SPECC1: variants seen among roughly 807,000 people sequenced by gnomAD.
SPECC1 encodes cytospin-B.
In SPECC1, 62 loss-of-function variants were observed where a neutral mutation model predicts 104.1. The ratio of observed to expected loss-of-function variants is 0.60; its 90% CI spans 0.49 to 0.74. The LOEUF (loss-of-function observed/expected upper bound fraction) is 0.74, where lower values mean the gene tolerates loss of function less well. Among genes scored for constraint, SPECC1 ranks in the 30% least tolerant of loss-of-function variants. The probability of loss-of-function intolerance (pLI) is 0.00; values close to 1 mark genes in which losing one functional copy is unlikely to be tolerated. For synonymous variants in SPECC1, 513 were observed against 501.6 expected, an observed-to-expected ratio of 1.02 and a Z score of -0.30; for missense variants, 1,306 against 1,310.5, an observed-to-expected ratio of 1.00 and a Z score of 0.05.
chr17:20,053,184 T>A (rs1459797900), intron 1 of SPECC1, among the ~76,000 whole-genome samples: 3 of 152,216 alleles, frequency 2.0e-5, no homozygotes, highest in African/African-American at 4.8e-5. Context: ...TACTCTGACC[T>A]CTAACTCAAT....
intron 12 of SPECC1, among the ~76,000 whole-genome samples, chr17:20,265,437 C>T (rs939656642): frequency 6.6e-6 from 1 of 152,096 alleles, no homozygotes; most frequent in Non-Finnish European, 1.5e-5. Flanking sequence ...TTTCCTTTGC[C>T]TATTTTTTAA....
Position 20,095,166 on chromosome 17 carries a change from CAAT to C in SPECC1, c.-21-1462_-21-1460del, listed in dbSNP as rs1040649447. On this transcript the variant is annotated intron_variant, in intron 1 of 14. Transcript: ENST00000395527. ...CTTTCATTGTTGCTGTGGAAACAAG[CAAT>C]AAAAATCGTGGGTTGAAGAAGAAAA... is the stretch of plus-strand genomic sequence containing the variant. Among the ~76,000 whole-genome samples, 46 of 152,122 alleles carry C rather than the reference CAAT, an allele frequency of 3.0e-4. 1 individual carries two copies. In the Middle Eastern group the frequency reaches 0.01, roughly 34 times the overall value.
intron 3 of SPECC1, among the ~76,000 whole-genome samples, chr17:20,166,058 T>C (rs2151155196): frequency 6.6e-6 from 1 of 152,378 alleles, no homozygotes; most frequent in South Asian, 2.1e-4. Context: ...TGGCTTTGTC[T>C]ATCTTACAAG....
At chr17:20,174,674 C>T (rs1291869931) in intron 3 of SPECC1, among the ~76,000 whole-genome samples, 1 of 152,078 alleles carries the variant, frequency 6.6e-6, no homozygotes, top group African/African-American at 2.4e-5. Context: ...AGCAGTCTTG[C>T]CCTTCATTTC....
intron 3 of SPECC1, among the ~76,000 whole-genome samples, chr17:20,163,876 T>C (rs947525712): frequency 2.0e-5 from 3 of 152,152 alleles, no homozygotes; most frequent in African/African-American, 7.2e-5. Context: ...ATTCTCTCTT[T>C]ATATGTGTGT....
intron 12 of SPECC1, among the ~76,000 whole-genome samples, chr17:20,267,841 C>G (rs971842230): frequency 6.6e-6 from 1 of 152,174 alleles, no homozygotes; most frequent in Non-Finnish European, 1.5e-5. Flanking sequence ...CTGATGCCCT[C>G]AGACCTCAGC....
At chr17:20,191,658 C>T (rs947801626) in intron 3 of SPECC1, among the ~76,000 whole-genome samples, 2 of 152,038 alleles carry the variant, frequency 1.3e-5, no homozygotes, top group African/African-American at 4.8e-5. Flanking sequence ...GCCCCCCCAC[C>T]CACTGACAAG....
chr17:20,187,127 T>C (rs1045501875), intron 3 of SPECC1, among the ~76,000 whole-genome samples: 8 of 152,040 alleles, frequency 5.3e-5, no homozygotes, highest in Non-Finnish European at 1.0e-4. Context: ...CTCCAATGAG[T>C]GTTTCCTTTT....
chr17:20,096,408 A>C (rs1378837844), intron 1 of SPECC1, among the ~76,000 whole-genome samples: 1 of 152,070 alleles, frequency 6.6e-6, no homozygotes, highest in Non-Finnish European at 1.5e-5. Context: ...AGTAATGTGG[A>C]TATGTTTCAG....
chr17:20,201,290 T>C (rs2036414603), intron 3 of SPECC1, among the ~76,000 whole-genome samples: 1 of 148,904 alleles, frequency 6.7e-6, no homozygotes, highest in Non-Finnish European at 1.5e-5. Flanking sequence ...TGAAACCCCA[T>C]CTCTACTAAA....
chr17:20,070,554 T>C (rs1259324777), intron 1 of SPECC1, among the ~76,000 whole-genome samples: 1 of 152,206 alleles, frequency 6.6e-6, no homozygotes, highest in East Asian at 1.9e-4. Flanking sequence ...ATTTTATCTA[T>C]ATGACATCTA....
At chr17:20,076,465 G>T (rs975053177) in intron 1 of SPECC1, among the ~76,000 whole-genome samples, 1 of 152,174 alleles carries the variant, frequency 6.6e-6, no homozygotes, top group Non-Finnish European at 1.5e-5. Context: ...CTCCTAAAGT[G>T]CTGGGATTAC....
Position 20,204,328 on chromosome 17 carries a change from T to G in SPECC1, c.284-5T>G. ...TTTTCATTTTTTTCTTCTTCTGTCT[T>G]TAAGGGGCCTTTACAACAACTAAAC... On this transcript the variant is annotated splice_polypyrimidine_tract_variant and splice_region_variant and intron_variant, in intron 3 of 14. Transcript: ENST00000395527. 1 of 1,600,306 alleles carries G rather than the reference T, an allele frequency of 6.2e-7. No individual in the cohort carries two copies. Among genetic ancestry groups the G allele is most frequent in the Non-Finnish European group, 8.5e-7 (1 of 1,175,816 alleles).
intron 11 of SPECC1, 122 bp downstream of exon 11, chr17:20,257,729 A>G (rs951087676): frequency 6.9e-6 from 9 of 1,305,476 alleles, no homozygotes; most frequent in Middle Eastern, 1.8e-4. Flanking sequence ...GAAAATGACT[A>G]AGACACTGTG....
intron 1 of SPECC1, among the ~76,000 whole-genome samples, chr17:20,031,212 C>T (rs2044796589): frequency 6.6e-6 from 1 of 152,182 alleles, no homozygotes; most frequent in Non-Finnish European, 1.5e-5. Flanking sequence ...CCAGGCTGGT[C>T]TCAAACTCCT....
At chr17:20,203,455 G>C (rs1291385270) in intron 3 of SPECC1, among the ~76,000 whole-genome samples, 1 of 152,150 alleles carries the variant, frequency 6.6e-6, no homozygotes, top group Non-Finnish European at 1.5e-5. Context: ...CCTTACATTT[G>C]CTGTTACAAG....
chr17:20,178,855 G>C (rs79240433), intron 3 of SPECC1, among the ~76,000 whole-genome samples: 1 of 152,186 alleles, frequency 6.6e-6, no homozygotes. Flanking sequence ...AAGGACTCAT[G>C]GAATTCTTTT....
At chr17:20,096,439 T>C (rs573275909) in intron 1 of SPECC1, among the ~76,000 whole-genome samples, 192 bp from the exon 2 acceptor site, 9 of 152,350 alleles carry the variant, frequency 5.9e-5, no homozygotes, top group Non-Finnish European at 1.0e-4. Context: ...AAAGCTGTTA[T>C]GGAGTTGTAA....
chr17:20,287,334 G>A (rs937973006), intron 12 of SPECC1, among the ~76,000 whole-genome samples: 12 of 150,868 alleles, frequency 8.0e-5, no homozygotes, highest in Admixed American at 3.3e-4. Context: ...GGAGAATGGC[G>A]TGAACCCGGG....
Sources: allele counts gnomAD v4.1 joint callset (sites outside exome capture counted in the v4.1 genomes callset), GRCh38; gene constraint gnomAD v4.1.1; transcripts MANE v1.5; gene names NCBI Gene and HGNC (gene_info 2026-07-23, HGNC 2026-07-21).